The following PDE8A variants were observed in gnomAD, a reference collection of about 807,000 sequenced individuals.
The protein encoded by PDE8A is high affinity cAMP-specific and IBMX-insensitive 3',5'-cyclic phosphodiesterase 8A.
A neutral mutation model predicts 105.0 loss-of-function variants in PDE8A; 59 were observed. The observed-to-expected ratio is 0.56, with a 90% confidence interval of 0.46 to 0.70. The LOEUF (loss-of-function observed/expected upper bound fraction) is 0.70, where lower values mean the gene tolerates loss of function less well. Ranked by LOEUF, PDE8A falls within the 30% of genes least tolerant of loss-of-function variation. PDE8A has a pLI of 0.00. For synonymous variants in PDE8A, 355 were observed against 371.9 expected, an observed-to-expected ratio of 0.95 and a Z score of 0.52; for missense variants, 1,014 against 1,045.9, an observed-to-expected ratio of 0.97 and a Z score of 0.42.
intron 8 of PDE8A, among the ~76,000 whole-genome samples, chr15:85,091,776 C>G (rs955890447): frequency 1.9e-4 from 29 of 152,074 alleles, no homozygotes; most frequent in Non-Finnish European, 2.9e-5. Context: ...AAGGCAGGCT[C>G]AGTCTGAAAG....
intron 3 of PDE8A, among the ~76,000 whole-genome samples, chr15:85,070,194 C>G (rs2081290712): frequency 6.6e-6 from 1 of 152,172 alleles, no homozygotes; most frequent in South Asian, 2.1e-4. Flanking sequence ...GTTGACCTGT[C>G]TAAATGACTA....
intron 1 of PDE8A, among the ~76,000 whole-genome samples, chr15:85,015,035 C>A (rs913510630): frequency 6.6e-6 from 1 of 152,070 alleles, no homozygotes; most frequent in African/African-American, 2.4e-5. Flanking sequence ...AATTTCTGGC[C>A]TTTGTGTCTG....
At position 85,126,339 on chromosome 15, in the gene PDE8A, T is replaced by G. The variant is rs774223934; in HGVS notation, c.2218T>G (p.Trp740Gly). 7.5e-6 allele frequency: 12 copies of G among 1,597,938 alleles called. No homozygotes were observed. The highest frequency in any genetic ancestry group is 1.0e-5 in the Non-Finnish European group (12 of 1,171,484). ...CCGACCCCTGCAGTACTGCATCGAGTGGGCTGCACGCATTTCGGAAGAATA... is the reference window on the plus strand; with the variant it reads ...CCGACCCCTGCAGTACTGCATCGAGGGGGCTGCACGCATTTCGGAAGAATA... ...PCRPLQYCIE[W>G]AARISEEYFS... Residue 740 changes from tryptophan to glycine, a missense_variant, in exon 20 of 22, where the codon TGG becomes GGG. Trp to Gly is a radical substitution (Grantham distance 184, BLOSUM62 -2). Coordinates refer to ENST00000394553, the MANE Select transcript of PDE8A (RefSeq NM_002605.3).
intron 11 of PDE8A, among the ~76,000 whole-genome samples, chr15:85,107,260 A>G (rs766194043): frequency 6.6e-6 from 1 of 152,226 alleles, no homozygotes; most frequent in Non-Finnish European, 1.5e-5. Context: ...TTAACAAATC[A>G]TAAATAGTTC....
chr15:85,085,630 G>T (rs1299052987), intron 6 of PDE8A, among the ~76,000 whole-genome samples: 1 of 151,370 alleles, frequency 6.6e-6, no homozygotes, highest in Admixed American at 6.6e-5. Context: ...AGCTGAGATC[G>T]TGCCATTGCA....
chr15:85,134,835 G>C lies in PDE8A; in HGVS notation c.2254-1699G>C, dbSNP rs2082382080. Among the ~76,000 whole-genome samples, 4 of 152,356 alleles carry C rather than the reference G, an allele frequency of 2.6e-5. No individual in the cohort carries two copies. The South Asian group carries it at 8.3e-4, about 32-fold the overall frequency. ...GGGCAAGGTGCAGAAATACTTGGTA[G>C]AGCCAGGCCTCTGGGTGTCACTCTG... On this transcript the variant is annotated intron_variant, in intron 20 of 21. Transcript: ENST00000394553.
chr15:85,084,531 T>G (rs541263173), intron 6 of PDE8A, among the ~76,000 whole-genome samples: 2 of 152,324 alleles, frequency 1.3e-5, no homozygotes, highest in South Asian at 4.1e-4. Flanking sequence ...TTCCCACTCC[T>G]GGGTCATCTC....
At chr15:85,109,937 CTG>C (rs1243818239) in intron 12 of PDE8A, among the ~76,000 whole-genome samples, 2 of 152,268 alleles carry the variant, frequency 1.3e-5, no homozygotes, top group East Asian at 3.9e-4. Context: ...TATGGGAAGA[CTG>C]TAAGCTTTGG....
At chr15:85,013,748 T>C (rs1234065553) in intron 1 of PDE8A, among the ~76,000 whole-genome samples, 1 of 152,222 alleles carries the variant, frequency 6.6e-6, no homozygotes, top group Non-Finnish European at 1.5e-5. Context: ...TAGTTCTGGC[T>C]CATAGTCTCT....
At chr15:85,134,995 C>T (rs935401477) in intron 20 of PDE8A, among the ~76,000 whole-genome samples, 4 of 152,152 alleles carry the variant, frequency 2.6e-5, no homozygotes, top group Admixed American at 6.5e-5. Context: ...CGTAGAGCTG[C>T]GGTGGGGGGA....
intron 1 of PDE8A, among the ~76,000 whole-genome samples, chr15:84,982,575 C>T (rs2079734494): frequency 6.6e-6 from 1 of 152,070 alleles, no homozygotes; most frequent in Non-Finnish European, 1.5e-5. Flanking sequence ...GATTAGGACG[C>T]CGCCTGTGTC....
chr15:85,111,487 C>T (rs2082020169), intron 12 of PDE8A, among the ~76,000 whole-genome samples: 1 of 152,168 alleles, frequency 6.6e-6, no homozygotes, highest in Non-Finnish European at 1.5e-5. Flanking sequence ...TGCAGTAGCA[C>T]CATTATTATA....
At chr15:85,057,963 G>C (rs114756247) in intron 1 of PDE8A, among the ~76,000 whole-genome samples, 2 of 152,008 alleles carry the variant, frequency 1.3e-5, no homozygotes, top group African/African-American at 4.8e-5. Context: ...GAGGATTTTT[G>C]CATCAGTGTT....
intron 11 of PDE8A, among the ~76,000 whole-genome samples, chr15:85,103,464 C>T (rs2081898826): frequency 6.6e-6 from 1 of 152,204 alleles, no homozygotes; most frequent in South Asian, 2.1e-4. Flanking sequence ...GCATAACCAC[C>T]TTTATGTCCA....
chr15:85,098,232 C>T (rs796414100), intron 9 of PDE8A, among the ~76,000 whole-genome samples, 196 bp downstream of exon 9: 1 of 152,178 alleles, frequency 6.6e-6, no homozygotes, highest in Non-Finnish European at 1.5e-5. Flanking sequence ...CAGCCCAGAG[C>T]CAACATACTC....
At chr15:85,100,614 G>A (rs1168744077) in intron 11 of PDE8A, among the ~76,000 whole-genome samples, 2 of 152,224 alleles carry the variant, frequency 1.3e-5, no homozygotes, top group African/African-American at 2.4e-5. Flanking sequence ...TCACCTCTAT[G>A]TTTCTTAACC....
chr15:85,087,701 T>C (rs1186893210), intron 6 of PDE8A, among the ~76,000 whole-genome samples: 3 of 152,174 alleles, frequency 2.0e-5, no homozygotes, highest in Admixed American at 2.0e-4. Flanking sequence ...TCTTAGAATA[T>C]TATATAGTTA....
chr15:85,009,368 G>C (rs1237594652), intron 1 of PDE8A, among the ~76,000 whole-genome samples: 1 of 152,116 alleles, frequency 6.6e-6, no homozygotes, highest in East Asian at 1.9e-4. Flanking sequence ...TTTATAATCA[G>C]ACCAACAAAA....
chr15:85,035,365 C>G (rs1262306292), intron 1 of PDE8A, among the ~76,000 whole-genome samples: 2 of 151,912 alleles, frequency 1.3e-5, no homozygotes, highest in African/African-American at 4.8e-5. Flanking sequence ...CCCGCCACCA[C>G]GCCCAGCTAA....
Sources: gnomAD v4.1 joint callset for allele counts (sites outside exome capture counted in the v4.1 genomes callset) on GRCh38, gnomAD v4.1.1 for gene constraint, MANE v1.5 for transcripts, NCBI Gene and HGNC (gene_info 2026-07-23, HGNC 2026-07-21) for gene names.